Variants in SSPN observed in about 807,000 individuals in gnomAD.
SSPN encodes the protein sarcospan.
A neutral mutation model predicts 19.1 loss-of-function variants in SSPN; 15 were observed. The ratio of observed to expected loss-of-function variants is 0.78; its 90% confidence interval spans 0.52 to 1.21. The LOEUF is 1.21. SSPN is among the 50% of genes most tolerant of loss of function. The probability of loss-of-function intolerance (pLI) is 0.00; values close to 1 mark genes in which losing one functional copy is unlikely to be tolerated. For missense variants in SSPN, 291 were observed against 314.0 expected (o/e 0.93, Z 0.55); for synonymous variants, 147 against 140.3 (o/e 1.05, Z -0.34).
At chr12:26,151,617 G>T (rs1298319885) in intron 1 of SSPN, among the ~76,000 whole-genome samples, 1 of 152,154 alleles carries the variant, frequency 6.6e-6, no homozygotes, top group Non-Finnish European at 1.5e-5. Flanking sequence ...AAAGCTCCCT[G>T]CCCCCATGGA....
At chr12:26,194,002 G>T (rs983623200), upstream of SSPN, among the ~76,000 whole-genome samples, 1 of 152,176 alleles carries the variant, frequency 6.6e-6, no homozygotes, top group African/African-American at 2.4e-5. Flanking sequence ...GCAGGGAATT[G>T]GATTTTCTTT....
At chr12:26,122,342 G>A in intron 1 of SSPN, 2 of 1,175,172 alleles carry the variant, frequency 1.7e-6, no homozygotes, top group Non-Finnish European at 2.1e-6. Flanking sequence ...GGGCGGGGAT[G>A]CCGGGGTATA....
chr12:26,175,590 A>G (rs1186203212), intron 1 of SSPN, among the ~76,000 whole-genome samples: 1 of 152,152 alleles, frequency 6.6e-6, no homozygotes, highest in Non-Finnish European at 1.5e-5. Context: ...TATAATTAGC[A>G]TATTCAGGAA....
chr12:26,226,212 G>C (rs1216964612), intron 2 of SSPN, among the ~76,000 whole-genome samples: 1 of 152,130 alleles, frequency 6.6e-6, no homozygotes, highest in Admixed American at 6.5e-5. Context: ...CCCATCTCCA[G>C]ATTTTCCAAT....
At chr12:26,226,052 C>A (rs1945172983) in intron 2 of SSPN, among the ~76,000 whole-genome samples, 1 of 152,082 alleles carries the variant, frequency 6.6e-6, no homozygotes, top group South Asian at 2.1e-4. Flanking sequence ...AGGAAGATCT[C>A]ATTAGCTACC....
intron 1 of SSPN, chr12:26,122,165 G>T: frequency 6.5e-7 from 1 of 1,535,620 alleles, no homozygotes; most frequent in Non-Finnish European, 8.8e-7. Context: ...GGGTGCGGCC[G>T]TGCGGGTGCT....
chr12:26,210,791 A>C (rs1944977371), intron 1 of SSPN, among the ~76,000 whole-genome samples: 1 of 152,134 alleles, frequency 6.6e-6, no homozygotes, highest in Non-Finnish European at 1.5e-5. Context: ...ATAGGGAGAG[A>C]GTTTTCCTAT....
At chr12:26,196,817 T>G (rs184957900) in intron 1 of SSPN, among the ~76,000 whole-genome samples, 18 of 152,316 alleles carry the variant, frequency 1.2e-4, no homozygotes, top group African/African-American at 4.3e-4. Context: ...TCACCCAGGG[T>G]CATGAGTGGG....
At chr12:26,177,897 C>T (rs747194771) in intron 1 of SSPN, among the ~76,000 whole-genome samples, 1 of 152,168 alleles carries the variant, frequency 6.6e-6, no homozygotes, top group East Asian at 1.9e-4. Flanking sequence ...CGTCCACTAA[C>T]GACAGCCCTA....
chr12:26,161,972 C>G (rs894473833), intron 1 of SSPN, among the ~76,000 whole-genome samples: 1 of 152,202 alleles, frequency 6.6e-6, no homozygotes, highest in Non-Finnish European at 1.5e-5. Context: ...GGATGGGTAC[C>G]AGTCCGTGGC....
intron 1 of SSPN, among the ~76,000 whole-genome samples, chr12:26,201,022 T>TA (rs1407228943): frequency 1.2e-4 from 4 of 34,686 alleles, no homozygotes; most frequent in South Asian, 1.1e-3. Flanking sequence ...TATATATATA[T>TA]ATATATATAT....
At chr12:26,163,164 T>A (rs1944600418) in intron 1 of SSPN, among the ~76,000 whole-genome samples, 1 of 152,050 alleles carries the variant, frequency 6.6e-6, no homozygotes, top group Non-Finnish European at 1.5e-5. Context: ...CATGAAGAAC[T>A]GAAAGCAGTC....
intron 1 of SSPN, among the ~76,000 whole-genome samples, chr12:26,201,046 T>A (rs4963971): frequency 0.12 from 9,255 of 77,046 alleles, 615 homozygotes; most frequent in Non-Finnish European, 0.16. Context: ...TATATATATA[T>A]TATATATATA....
At chr12:26,197,667 G>A (rs1944841880) in intron 1 of SSPN, among the ~76,000 whole-genome samples, 1 of 152,170 alleles carries the variant, frequency 6.6e-6, no homozygotes, top group Non-Finnish European at 1.5e-5. Flanking sequence ...GAAATTTTAT[G>A]AACTAAAGCT....
At chr12:26,183,848 C>T (rs1170313427) in intron 1 of SSPN, among the ~76,000 whole-genome samples, 1 of 152,220 alleles carries the variant, frequency 6.6e-6, no homozygotes, top group Non-Finnish European at 1.5e-5. Context: ...TAGTGAGCCT[C>T]TTCACAGTTC....
In SSPN at chr12:26,232,670, A is replaced by G; in HGVS notation, c.*1594A>G. On this transcript the variant is annotated 3_prime_UTR_variant, in exon 3 of 3. Coordinates refer to ENST00000242729, the MANE Select transcript of SSPN (RefSeq NM_005086.5). ...TCTACACAATATAAATATCCAGTAT[A>G]AAGGAAAGCGTTAAGTCGGTAAGCT... 1 of 985,276 alleles carries G rather than the reference A, an allele frequency of 1.0e-6. No homozygotes were observed. The highest frequency in any genetic ancestry group is 1.2e-6 in the Non-Finnish European group (1 of 829,826). 61.0% of individuals were successfully genotyped at this position (985,276 alleles called of 1,614,324 possible). A position where few individuals can be genotyped will look rare whatever the true frequency, so the allele number is the denominator to read the frequency against.
intron 1 of SSPN, among the ~76,000 whole-genome samples, chr12:26,160,520 G>A (rs1334110322): frequency 6.6e-6 from 1 of 152,172 alleles, no homozygotes; most frequent in Non-Finnish European, 1.5e-5. Context: ...ATCAAATGCT[G>A]TCAGTCACTT....
At chr12:26,170,098 T>C (rs747445230) in intron 1 of SSPN, among the ~76,000 whole-genome samples, 4 of 152,190 alleles carry the variant, frequency 2.6e-5, no homozygotes, top group Non-Finnish European at 5.9e-5. Flanking sequence ...ACCTCCTCTG[T>C]AGATTAAACA....
intron 1 of SSPN, among the ~76,000 whole-genome samples, chr12:26,132,954 C>A (rs780840607): frequency 2.0e-5 from 3 of 152,198 alleles, no homozygotes; most frequent in African/African-American, 4.8e-5. Context: ...ATTGCCCTAG[C>A]AGGTTTCTTT....
Sources: gnomAD v4.1 joint callset for allele counts (sites outside exome capture counted in the v4.1 genomes callset) on GRCh38, gnomAD v4.1.1 for gene constraint, MANE v1.5 for transcripts, NCBI Gene and HGNC (gene_info 2026-07-23, HGNC 2026-07-21) for gene names.